The following PPHLN1 variants were observed in gnomAD, a reference collection of about 807,000 sequenced individuals.
PPHLN1 encodes periphilin 1.
Under a neutral mutation model 51.3 loss-of-function variants are expected in PPHLN1, and 29 were observed. That is an observed-to-expected ratio of 0.57 (90% CI 0.42 to 0.77). The LOEUF (loss-of-function observed/expected upper bound fraction) is 0.77. Ranked by LOEUF, PPHLN1 falls within the 30% of genes least tolerant of loss-of-function variation. The probability of loss-of-function intolerance (pLI) is 0.00; values close to 1 mark genes in which losing one functional copy is unlikely to be tolerated. For synonymous variants in PPHLN1, 147 were observed against 147.8 expected, an observed-to-expected ratio of 0.99 and a Z score of 0.04; for missense variants, 436 against 438.4, an observed-to-expected ratio of 0.99 and a Z score of 0.05.
At chr12:42,431,586 A>G (rs978857064) in intron 9 of PPHLN1, 1 of 655,652 alleles carries the variant, frequency 1.5e-6, no homozygotes, top group Non-Finnish European at 2.8e-6. Flanking sequence ...CTGGCGATCC[A>G]TATTCTATCT....
chr12:42,383,983 C>CAAAAAAAAAAAAAAAAA (rs61016692), intron 5 of PPHLN1, among the ~76,000 whole-genome samples: 9 of 51,644 alleles, frequency 1.7e-4, no homozygotes, highest in Non-Finnish European at 2.0e-4. Flanking sequence ...GACTGTGTCT[C>CAAAAAAAAAAAAAAAAA]AAAAAAAAAA....
chr12:42,409,902 C>T (rs2079650826), intron 9 of PPHLN1, among the ~76,000 whole-genome samples: 1 of 151,960 alleles, frequency 6.6e-6, no homozygotes, highest in South Asian at 2.1e-4. Context: ...TTATATTGTT[C>T]TCCAGTTTTA....
At chr12:42,445,542 A>C (rs577809681), downstream of PPHLN1, 7 of 192,296 alleles carry the variant, frequency 3.6e-5, no homozygotes, top group South Asian at 8.1e-4. Flanking sequence ...CCCATCTGTC[A>C]TTAAACATCT....
intron 9 of PPHLN1, among the ~76,000 whole-genome samples, chr12:42,421,410 G>A (rs901134322): frequency 4.6e-5 from 7 of 152,076 alleles, no homozygotes; most frequent in African/African-American, 1.2e-4. Flanking sequence ...ACAGTGGTCC[G>A]TTCTTGCCTC....
intron 4 of PPHLN1, chr12:42,361,207 A>G (rs560836446): frequency 4.6e-5 from 7 of 152,636 alleles, no homozygotes; most frequent in African/African-American, 1.4e-4. Context: ...GCTCTCCACC[A>G]TGTGAGGATA....
intron 4 of PPHLN1, 175 bp downstream of exon 4, chr12:42,355,397 T>C: frequency 1.9e-6 from 1 of 531,306 alleles, no homozygotes. Flanking sequence ...CACTGATAAC[T>C]AGTGTTCCAC....
At chr12:42,413,984 TG>T (rs2080131059) in intron 9 of PPHLN1, among the ~76,000 whole-genome samples, 1 of 151,944 alleles carries the variant, frequency 6.6e-6, no homozygotes, top group African/African-American at 2.4e-5. Context: ...ATTTTAGGAT[TG>T]TTTTTTCTAA....
intron 9 of PPHLN1, among the ~76,000 whole-genome samples, chr12:42,417,920 G>GT (rs542371198): frequency 8.6e-4 from 88 of 102,394 alleles, no homozygotes; most frequent in Middle Eastern, 5.5e-3. Flanking sequence ...AAAAGCCCTA[G>GT]TTTTTTTTTT....
intron 8 of PPHLN1, among the ~76,000 whole-genome samples, chr12:42,397,747 TGTTTTTTGAGACA>T (rs2078388644): frequency 6.6e-6 from 1 of 152,146 alleles, no homozygotes; most frequent in Non-Finnish European, 1.5e-5. Context: ...TAGGTTTGTT[TGTTTTTTGAGACA>T]GTGTCTGGCT....
At chr12:42,379,189 A>G (rs1463062259) in intron 5 of PPHLN1, among the ~76,000 whole-genome samples, 1 of 151,906 alleles carries the variant, frequency 6.6e-6, no homozygotes, top group African/African-American at 2.4e-5. Context: ...AAGCTATAAC[A>G]TTAAAAGTGA....
intron 9 of PPHLN1, among the ~76,000 whole-genome samples, chr12:42,418,519 C>T (rs2080678724): frequency 6.6e-6 from 1 of 152,052 alleles, no homozygotes; most frequent in Admixed American, 6.6e-5. Context: ...CTACCTCACC[C>T]TCCAAATTTC....
intron 6 of PPHLN1, among the ~76,000 whole-genome samples, 189 bp downstream of exon 6, chr12:42,385,185 G>A (rs1372516657): frequency 6.6e-6 from 1 of 152,194 alleles, no homozygotes; most frequent in African/African-American, 2.4e-5. Flanking sequence ...AGCCATTCCT[G>A]GATGGGAATA....
At chr12:42,402,785 T>G (rs2078956503) in intron 9 of PPHLN1, among the ~76,000 whole-genome samples, 1 of 152,230 alleles carries the variant, frequency 6.6e-6, no homozygotes, top group Non-Finnish European at 1.5e-5. Flanking sequence ...GTTGAGTTAA[T>G]GAATTGTGCA....
chr12:42,363,046 A>T (rs890134324), intron 4 of PPHLN1, among the ~76,000 whole-genome samples: 1 of 152,112 alleles, frequency 6.6e-6, no homozygotes, highest in Non-Finnish European at 1.5e-5. Context: ...ATATCATGTT[A>T]CCCCTGGACT....
chr12:42,406,302 G>T (rs968874897), intron 9 of PPHLN1, among the ~76,000 whole-genome samples: 11 of 151,762 alleles, frequency 7.2e-5, no homozygotes, highest in African/African-American at 2.7e-4. Flanking sequence ...GGACGGTCTC[G>T]ATCTCCTGAC....
chr12:42,377,015 G>A (rs540566254), intron 5 of PPHLN1, among the ~76,000 whole-genome samples: 60 of 152,024 alleles, frequency 3.9e-4, no homozygotes, highest in Admixed American at 1.2e-3. Context: ...TCCAACCCCC[G>A]TCCTGCAGGC....
intron 2 of PPHLN1, among the ~76,000 whole-genome samples, chr12:42,340,983 CTTT>C (rs552090682): frequency 5.3e-5 from 7 of 131,080 alleles, no homozygotes; most frequent in Admixed American, 7.6e-5. Flanking sequence ...TTCTTTCTTT[CTTT>C]TTTTTTTTTT....
intron 2 of PPHLN1, among the ~76,000 whole-genome samples, chr12:42,341,219 G>A (rs61924352): frequency 0.16 from 24,659 of 151,950 alleles, 2,049 homozygotes; most frequent in Admixed American, 0.2. Flanking sequence ...CTGACCTCAG[G>A]TGATCCGCCT....
At chr12:42,440,060 C>T (rs969869621) in intron 9 of PPHLN1, among the ~76,000 whole-genome samples, 4 of 150,410 alleles carry the variant, frequency 2.7e-5, no homozygotes, top group African/African-American at 9.7e-5. Flanking sequence ...TGGGCTATCT[C>T]TCTATATCTT....
Sources: gnomAD v4.1 joint callset for allele counts (sites outside exome capture counted in the v4.1 genomes callset) on GRCh38, gnomAD v4.1.1 for gene constraint, MANE v1.5 for transcripts, NCBI Gene and HGNC (gene_info 2026-07-23, HGNC 2026-07-21) for gene names.